Variants in BLOC1S5 observed in about 807,000 individuals in gnomAD.
BLOC1S5 encodes biogenesis of lysosomal organelles complex 1 subunit 5, also known as biogenesis of lysosome-related organelles complex 1 subunit 5.
In BLOC1S5, 27 loss-of-function variants were observed where a neutral mutation model predicts 24.3. That is an observed-to-expected ratio of 1.11 (90% CI 0.82 to 1.53). BLOC1S5 has a LOEUF of 1.53. Ranked by LOEUF, BLOC1S5 falls within the 40% of genes most tolerant of loss-of-function variation. The pLI, the probability that BLOC1S5 is intolerant of heterozygous loss-of-function variation, is 0.00. For missense variants in BLOC1S5, 239 were observed against 229.4 expected (o/e 1.04, Z -0.27); for synonymous variants, 84 against 74.5 (o/e 1.13, Z -0.66).
At chr6:8,024,449 C>T (rs965230347) in intron 4 of BLOC1S5, among the ~76,000 whole-genome samples, 2 of 131,542 alleles carry the variant, frequency 1.5e-5, no homozygotes, top group Admixed American at 9.4e-5. Flanking sequence ...ACCTGGGAGG[C>T]AGCGATTGCA....
At chr6:8,041,055 T>A in intron 3 of BLOC1S5, 84 bp downstream of exon 3, 1 of 1,439,970 alleles carries the variant, frequency 6.9e-7, no homozygotes, top group Admixed American at 2.2e-5. Context: ...CCTCTCCACC[T>A]CCCCCCATAA....
intron 3 of BLOC1S5, chr6:8,027,179 T>C (rs17143310): frequency 0.026 from 8,033 of 311,728 alleles, 446 homozygotes; most frequent in African/African-American, 0.13. Context: ...GCCAGATGCA[T>C]TTTCTGTTCA....
Position 8,041,175 on chromosome 6 carries a change from T to A in BLOC1S5, c.289A>T (p.Thr97Ser). 1 of 1,611,390 alleles carries A rather than the reference T, an allele frequency of 6.2e-7. No individual in the cohort carries two copies. Among genetic ancestry groups the A allele is most frequent in the Non-Finnish European group, 8.5e-7 (1 of 1,179,032 alleles). The stretch of plus-strand genomic sequence containing the variant: ...ACCTGGCTGAGGCTGTCCCGCATTG[T>A]GTCTCTACATTTGGGAAGAGTATGT... Reference protein sequence around the residue: ...NEHTLPKCRDTMRDSLSQVLQ... With the variant: ...NEHTLPKCRDSMRDSLSQVLQ... The change falls in exon 3 of 5, where the codon ACA (threonine) becomes TCA (serine). Residue 97 changes from threonine (T) to serine (S), a missense_variant. Physicochemically the swap from Thr to Ser is moderately conservative, Grantham distance 58. Coordinates refer to ENST00000397457, the MANE Select transcript of BLOC1S5 (RefSeq NM_201280.3).
chr6:8,057,333 G>A (rs771140456), intron 2 of BLOC1S5, among the ~76,000 whole-genome samples: 1 of 152,146 alleles, frequency 6.6e-6, no homozygotes, highest in African/African-American at 2.4e-5. Flanking sequence ...TCTGGTGTGC[G>A]TTTGTTTTTA....
At chr6:8,057,568 A>G (rs1764358153) in intron 2 of BLOC1S5, among the ~76,000 whole-genome samples, 1 of 152,190 alleles carries the variant, frequency 6.6e-6, no homozygotes, top group African/African-American at 2.4e-5. Context: ...ATTTAAAACC[A>G]TACGGTGTCT....
chr6:8,052,817 C>A (rs1415342608), intron 2 of BLOC1S5, among the ~76,000 whole-genome samples: 1 of 151,606 alleles, frequency 6.6e-6, no homozygotes, highest in Non-Finnish European at 1.5e-5. Context: ...ACGGCGTGAG[C>A]CCAGGAGGCG....
intron 4 of BLOC1S5, among the ~76,000 whole-genome samples, chr6:8,023,566 G>T (rs1048134714): frequency 1.3e-5 from 2 of 150,892 alleles, no homozygotes; most frequent in Non-Finnish European, 3.0e-5. Flanking sequence ...CTCCATCCTG[G>T]GTGACGGAGT....
Position 8,022,624 on chromosome 6 carries a change from G to A in BLOC1S5, c.384+3743C>T, listed in dbSNP as rs1349624716. Among the ~76,000 whole-genome samples, 31 of 113,858 alleles carry A rather than the reference G, an allele frequency of 2.7e-4. 1 individual carries two copies. The highest frequency in any genetic ancestry group is 1.0e-3 in the African/African-American group (27 of 26,416). 74.7% of individuals were successfully genotyped at this position (113,858 alleles called of 152,430 possible). ...TTTTGAGACGGAGTCTCGCTCTGTC[G>A]CCCAGGCTGGAGTGCAGTGGCGGGA... is the stretch of plus-strand genomic sequence containing the variant. On this transcript the variant is annotated intron_variant, in intron 4 of 4. Transcript: ENST00000397457.
chr6:8,038,969 A>G (rs1763588787), intron 3 of BLOC1S5, among the ~76,000 whole-genome samples: 1 of 152,252 alleles, frequency 6.6e-6, no homozygotes, highest in African/African-American at 2.4e-5. Context: ...AATACTGGGT[A>G]TATATCTAAA....
At position 8,062,571 on chromosome 6, in the gene BLOC1S5, A is replaced by G; in HGVS notation, c.158T>C (p.Ile53Thr). 1 of 1,601,480 alleles carries G rather than the reference A, an allele frequency of 6.2e-7. No individual in the cohort carries two copies. The highest frequency in any genetic ancestry group is 8.5e-7 in the Non-Finnish European group (1 of 1,173,020). The change falls in exon 2 of 5, where the codon ATT (isoleucine) becomes ACT (threonine). Residue 53 changes from isoleucine to threonine, a missense_variant. Ile to Thr is a moderately conservative substitution (Grantham distance 89). Coordinates refer to ENST00000397457, the MANE Select transcript of BLOC1S5 (RefSeq NM_201280.3). The stretch of plus-strand genomic sequence containing the variant: ...TACAAAATAACGAGTTTCACCTTGA[A>G]TAACTGGTCTGTGATCCAAAAGCCT... ...HSRLLDHRPV[I>T]QGETRYFVKE...
intron 3 of BLOC1S5, among the ~76,000 whole-genome samples, chr6:8,038,475 G>A (rs1318948722): frequency 6.7e-6 from 1 of 149,596 alleles, no homozygotes. Flanking sequence ...TAGTTAAAAT[G>A]GCTTTTAATT....
rs1407052097 is a variant in BLOC1S5, at chr6:8,024,280, C to T, written c.384+2087G>A. On this transcript the variant is annotated intron_variant, in intron 4 of 4. Transcript: ENST00000397457. The stretch of plus-strand genomic sequence containing the variant: ...GTGGCTCACGCCTGTAATCCCAGCA[C>T]TTTGGGAGGCCGAGGCGGGTGGATC... Among the ~76,000 whole-genome samples, 4 of 151,932 alleles carry T rather than the reference C, an allele frequency of 2.6e-5. No homozygotes were observed. The East Asian group carries it at 7.7e-4, about 29-fold the overall frequency.
At chr6:8,049,917 C>T (rs1764048660) in intron 2 of BLOC1S5, among the ~76,000 whole-genome samples, 1 of 151,864 alleles carries the variant, frequency 6.6e-6, no homozygotes, top group Admixed American at 6.6e-5. Flanking sequence ...CATCATGTTG[C>T]CCAGGGCTGG....
intron 2 of BLOC1S5, among the ~76,000 whole-genome samples, chr6:8,046,402 T>C (rs1763902015): frequency 6.6e-6 from 1 of 152,154 alleles, no homozygotes; most frequent in Admixed American, 6.5e-5. Flanking sequence ...TGTACTATCT[T>C]TGCAATTTTT....
Position 8,026,428 on chromosome 6 carries a change from G to A in BLOC1S5, c.326-3C>T. 1 of 1,612,464 alleles carries A rather than the reference G, an allele frequency of 6.2e-7. No individual in the cohort carries two copies. The highest frequency in any genetic ancestry group is 8.5e-7 in the Non-Finnish European group (1 of 1,179,262). On this transcript the variant is annotated splice_region_variant and splice_polypyrimidine_tract_variant and intron_variant, in intron 3 of 4. Transcript: ENST00000397457. ...GACTGAGTCATTAGCTGCTTGCACT[G>A]AAATGAAAAAGACATGGGTTTTCAG...
intron 3 of BLOC1S5, chr6:8,027,228 A>G: frequency 2.5e-6 from 1 of 394,908 alleles, no homozygotes; most frequent in Non-Finnish European, 5.1e-6. Flanking sequence ...AAAGACATGT[A>G]GTGTGCAGGT....
intron 3 of BLOC1S5, among the ~76,000 whole-genome samples, chr6:8,031,470 C>A (rs1429536842): frequency 6.6e-6 from 1 of 152,134 alleles, no homozygotes; most frequent in Non-Finnish European, 1.5e-5. Flanking sequence ...AAAGAAATCA[C>A]AGACGACACA....
At chr6:8,045,402 T>G (rs111440259) in intron 2 of BLOC1S5, among the ~76,000 whole-genome samples, 1 of 152,126 alleles carries the variant, frequency 6.6e-6, no homozygotes, top group African/African-American at 2.4e-5. Context: ...GCTAGGGCAG[T>G]GCAGAAGGGA....
chr6:8,022,568 A>ATTTTTTTTTTT (rs35289860), intron 4 of BLOC1S5, among the ~76,000 whole-genome samples: 15 of 124,006 alleles, frequency 1.2e-4, no homozygotes, highest in Non-Finnish European at 1.6e-4. Context: ...TTCAAACTCT[A>ATTTTTTTTTTT]TTTTTTTTTT....
Sources: allele counts gnomAD v4.1 joint callset (sites outside exome capture counted in the v4.1 genomes callset), GRCh38; gene constraint gnomAD v4.1.1; transcripts MANE v1.5; gene names NCBI Gene and HGNC (gene_info 2026-07-23, HGNC 2026-07-21).